Variants in OXSR1 observed in about 807,000 individuals in gnomAD.
OXSR1 encodes oxidative stress responsive kinase 1, also known as serine/threonine-protein kinase OSR1.
Under a neutral mutation model 79.8 loss-of-function variants are expected in OXSR1, and 24 were observed. The observed-to-expected ratio is 0.30, with a 90% CI of 0.22 to 0.42. The LOEUF is 0.42. Among genes scored for constraint, OXSR1 ranks in the 10% least tolerant of loss-of-function variants. OXSR1 has a pLI of 1.00. For synonymous variants in OXSR1, 226 were observed against 209.2 expected (o/e 1.08, Z -0.69); for missense variants, 430 against 618.4 (o/e 0.70, Z 3.23).
intron 15 of OXSR1, among the ~76,000 whole-genome samples, chr3:38,250,730 T>C (rs1030697741): frequency 6.6e-6 from 1 of 152,200 alleles, no homozygotes; most frequent in Admixed American, 6.5e-5. Context: ...GTCACCTGTT[T>C]TACTTTTTAA....
At chr3:38,232,152 C>T (rs936430369) in intron 10 of OXSR1, among the ~76,000 whole-genome samples, 6 of 152,016 alleles carry the variant, frequency 3.9e-5, no homozygotes, top group African/African-American at 1.4e-4. Flanking sequence ...GATATGGTGA[C>T]TCACGCTTGT....
chr3:38,214,473 G>A (rs558799844), intron 4 of OXSR1, among the ~76,000 whole-genome samples: 1 of 152,270 alleles, frequency 6.6e-6, no homozygotes, highest in South Asian at 2.1e-4. Context: ...AAAACACAGA[G>A]AAGGGAGTGA....
chr3:38,249,257 C>T (rs1703206166), intron 14 of OXSR1, among the ~76,000 whole-genome samples: 2 of 152,104 alleles, frequency 1.3e-5, no homozygotes, highest in African/African-American at 4.8e-5. Flanking sequence ...TGTCTTTAAA[C>T]AAAACCTCCA....
intron 2 of OXSR1, among the ~76,000 whole-genome samples, chr3:38,183,976 C>G (rs1160675507): frequency 6.6e-6 from 1 of 152,086 alleles, no homozygotes; most frequent in Non-Finnish European, 1.5e-5. Flanking sequence ...TCTTGAGGCT[C>G]AAATGATACA....
At chr3:38,164,382 G>C (rs1459261339), upstream of OXSR1, among the ~76,000 whole-genome samples, 1 of 152,118 alleles carries the variant, frequency 6.6e-6, no homozygotes, top group Non-Finnish European at 1.5e-5. Flanking sequence ...CTGACCTCAG[G>C]TGGTCCGCCC....
rs928248308 is a variant in OXSR1 at position 38,253,513 on chromosome 3, T to A, written c.*622T>A. ...CTGCTCTCAGGCACCCCCTTCTTCA[T>A]TGCTCTCTCCAGAAAGGGTTGCTAG... is the stretch of plus-strand genomic sequence containing the variant. On this transcript the variant is annotated 3_prime_UTR_variant, in exon 18 of 18. Transcript: ENST00000311806. 1 of 152,800 alleles carries A rather than the reference T, an allele frequency of 6.5e-6. No homozygotes were observed. Among genetic ancestry groups the A allele is most frequent in the African/African-American group, 2.4e-5 (1 of 41,446 alleles). 9.5% of individuals were successfully genotyped at this position (152,800 alleles called of 1,614,324 possible). A position where few individuals can be genotyped will look rare whatever the true frequency, so the allele number is the denominator to read the frequency against.
chr3:38,186,324 TTTA>T (rs1701885654), intron 2 of OXSR1, among the ~76,000 whole-genome samples: 1 of 152,196 alleles, frequency 6.6e-6, no homozygotes, highest in Admixed American at 6.5e-5. Flanking sequence ...ACATAACAGC[TTTA>T]TTGATATAAA....
intron 1 of OXSR1, among the ~76,000 whole-genome samples, chr3:38,166,799 A>G (rs1701472208): frequency 6.6e-6 from 1 of 151,976 alleles, no homozygotes; most frequent in Admixed American, 6.5e-5. Context: ...CAAAAAAAAA[A>G]AAAAAAAAAA....
intron 8 of OXSR1, among the ~76,000 whole-genome samples, chr3:38,227,820 CG>C (rs1559521040): frequency 6.6e-6 from 1 of 152,092 alleles, no homozygotes; most frequent in African/African-American, 2.4e-5. Context: ...CAGGCAACCT[CG>C]GGGAACAGAT....
intron 4 of OXSR1, among the ~76,000 whole-genome samples, chr3:38,213,828 A>G (rs1702433751): frequency 6.6e-6 from 1 of 152,228 alleles, no homozygotes; most frequent in South Asian, 2.1e-4. Context: ...TTATGTCAAT[A>G]TAAGCATAAT....
intron 4 of OXSR1, among the ~76,000 whole-genome samples, chr3:38,215,280 T>C (rs1702461340): frequency 6.6e-6 from 1 of 152,224 alleles, no homozygotes. Context: ...CTACTGTTGC[T>C]GGCTGTTACT....
intron 1 of OXSR1, among the ~76,000 whole-genome samples, chr3:38,180,715 G>A (rs751366918): frequency 2.0e-5 from 3 of 151,662 alleles, no homozygotes; most frequent in Non-Finnish European, 4.4e-5. Flanking sequence ...TGTATTTTTT[G>A]TAGAGACAGG....
intron 1 of OXSR1, 27 bp from the exon 2 acceptor site, chr3:38,182,976 T>A: frequency 8.2e-7 from 1 of 1,217,126 alleles, no homozygotes; most frequent in East Asian, 2.4e-5. Flanking sequence ...CATCTACTTA[T>A]TTACTCTTTT....
intron 11 of OXSR1, among the ~76,000 whole-genome samples, chr3:38,239,639 C>T (rs1243895637): frequency 6.6e-6 from 1 of 152,166 alleles, no homozygotes; most frequent in African/African-American, 2.4e-5. Flanking sequence ...GATGTTTTCC[C>T]CCCTATTCTC....
intron 2 of OXSR1, among the ~76,000 whole-genome samples, chr3:38,186,210 G>C (rs1701883710): frequency 6.6e-6 from 1 of 151,912 alleles, no homozygotes; most frequent in Non-Finnish European, 1.5e-5. Flanking sequence ...ATATTGATTA[G>C]CTACAGAAAT....
Position 38,253,000 on chromosome 3 carries a change from G to A in OXSR1, c.*109G>A, listed in dbSNP as rs147089627. 15 of 794,626 alleles carry A rather than the reference G, an allele frequency of 1.9e-5. No homozygotes were observed. Among genetic ancestry groups the A allele is most frequent in the African/African-American group, 3.5e-5 (2 of 57,892 alleles). 49.2% of individuals were successfully genotyped at this position (794,626 alleles called of 1,614,324 possible). ...CAAAGAACCCAGCAACAAACCTCCC[G>A]GCTAGGAGCTTTAGAAGTCTTTATG... is the stretch of plus-strand genomic sequence containing the variant. On this transcript the variant is annotated 3_prime_UTR_variant, in exon 18 of 18. Transcript: ENST00000311806.
chr3:38,226,738 C>T (rs776111758), intron 8 of OXSR1, among the ~76,000 whole-genome samples: 4 of 151,868 alleles, frequency 2.6e-5, no homozygotes, highest in Non-Finnish European at 4.4e-5. Context: ...CTGACCAGCA[C>T]TCTTCAAAAC....
intron 14 of OXSR1, 67 bp from the exon 15 acceptor site, chr3:38,249,899 A>G (rs542352293): frequency 2.4e-5 from 22 of 929,594 alleles, no homozygotes; most frequent in African/African-American, 8.2e-5. Context: ...TTCTTAATAT[A>G]TGTTGGCAGA....
At chr3:38,229,873 ATACAG>A in intron 9 of OXSR1, 138 bp downstream of exon 9, 1 of 696,050 alleles carries the variant, frequency 1.4e-6, no homozygotes, top group East Asian at 2.7e-5. Flanking sequence ...AGCACTATGT[ATACAG>A]TCTTTGATAA....
Sources: gnomAD v4.1 joint callset for allele counts (sites outside exome capture counted in the v4.1 genomes callset) on GRCh38, gnomAD v4.1.1 for gene constraint, MANE v1.5 for transcripts, NCBI Gene and HGNC (gene_info 2026-07-23, HGNC 2026-07-21) for gene names.